RTL4: variants seen among roughly 807,000 people sequenced by gnomAD.
RTL4 encodes the protein retrotransposon Gag like 4, also known as retrotransposon Gag-like protein 4.
RTL4 carries 4 observed loss-of-function variants against 5.3 expected under a neutral mutation model. The ratio of observed to expected loss-of-function variants is 0.75; its 90% CI spans 0.37 to 1.72. The LOEUF is 1.72. Ranked by LOEUF, RTL4 falls within the 40% of genes most tolerant of loss-of-function variation. The pLI, the probability that RTL4 is intolerant of heterozygous loss-of-function variation, is 0.04. For synonymous variants in RTL4, 98 were observed against 87.3 expected (o/e 1.12, Z -0.68); for missense variants, 260 against 227.1 (o/e 1.14, Z -0.93).
At chrX:112,415,094 A>G in the RTL4 span, among the ~76,000 whole-genome samples, 1 of 111,669 alleles carries the variant, frequency 9.0e-6, no homozygotes, top group African/African-American at 3.2e-5. Flanking sequence ...TAAAATGTAC[A>G]TAAAAAGAAA....
chrX:112,351,308 A>AGGTGT, the RTL4 span, among the ~76,000 whole-genome samples: 2 of 101,473 alleles, frequency 2.0e-5, no homozygotes, highest in Non-Finnish European at 3.8e-5. Context: ...ATTTTGGAAT[A>AGGTGT]GGTGTGGTGT....
chrX:112,376,761 A>C, the RTL4 span, among the ~76,000 whole-genome samples: 1 of 112,183 alleles, frequency 8.9e-6, no homozygotes, highest in African/African-American at 3.2e-5. Context: ...TGGCCACTGA[A>C]CTGGTGAATA....
At chrX:112,366,384 C>T in the RTL4 span, among the ~76,000 whole-genome samples, 194 of 111,545 alleles carry the variant, frequency 1.7e-3, no homozygotes, top group African/African-American at 5.9e-3. Context: ...AGATCATACA[C>T]TCCAATACAT....
the RTL4 span, among the ~76,000 whole-genome samples, chrX:112,135,909 T>A: frequency 9.3e-6 from 1 of 107,908 alleles, no homozygotes; most frequent in African/African-American, 3.3e-5. Flanking sequence ...TATATATATA[T>A]ATGTATACCT....
At chrX:112,221,171 C>A in the RTL4 span, among the ~76,000 whole-genome samples, 3 of 111,577 alleles carry the variant, frequency 2.7e-5, no homozygotes, top group African/African-American at 6.5e-5. Flanking sequence ...AGCACACACA[C>A]CTTACATGGT....
chrX:112,441,140 C>T, the RTL4 span, among the ~76,000 whole-genome samples: 1 of 111,156 alleles, frequency 9.0e-6, no homozygotes, highest in African/African-American at 3.3e-5. Context: ...TCCCATGAAG[C>T]GTTAATCCAA....
chrX:112,174,324 A>G, the RTL4 span, among the ~76,000 whole-genome samples: 1 of 96,505 alleles, frequency 1.0e-5, no homozygotes. Flanking sequence ...GAGTGAGAAC[A>G]TGCAGTGTTT....
chrX:112,088,315 T>A, the RTL4 span, among the ~76,000 whole-genome samples: 1 of 110,443 alleles, frequency 9.1e-6, no homozygotes, highest in Admixed American at 9.7e-5. Flanking sequence ...ATGTCTACCC[T>A]TTTGGGTCTG....
chrX:112,090,143 T>C, the RTL4 span, among the ~76,000 whole-genome samples: 1 of 110,574 alleles, frequency 9.0e-6, no homozygotes, highest in Non-Finnish European at 1.9e-5. Flanking sequence ...TCTTTAGGAT[T>C]TCTTATATAT....
At chrX:112,084,893 A>G in the RTL4 span, among the ~76,000 whole-genome samples, 2 of 112,132 alleles carry the variant, frequency 1.8e-5, no homozygotes, top group Non-Finnish European at 3.8e-5. Context: ...TAAGGTTAAA[A>G]TTTCTTTCTC....
chrX:112,240,940 T>C, the RTL4 span, among the ~76,000 whole-genome samples: 1 of 111,047 alleles, frequency 9.0e-6, no homozygotes, highest in African/African-American at 3.3e-5. Flanking sequence ...GTCCTTGTGA[T>C]AGTTTGCTGA....
the RTL4 span, among the ~76,000 whole-genome samples, chrX:112,122,055 A>T: frequency 5.7e-4 from 64 of 111,749 alleles, no homozygotes; most frequent in Middle Eastern, 4.6e-3. Flanking sequence ...TGAGACAGGG[A>T]TGCCACTAAC....
the RTL4 span, among the ~76,000 whole-genome samples, chrX:112,156,626 C>T: frequency 8.9e-6 from 1 of 111,984 alleles, no homozygotes; most frequent in East Asian, 2.8e-4. Flanking sequence ...TAAAGTTAGG[C>T]TTGCTGCTCA....
At chrX:112,289,913 G>A in the RTL4 span, among the ~76,000 whole-genome samples, 235 of 111,299 alleles carry the variant, frequency 2.1e-3, no homozygotes, top group Non-Finnish European at 3.6e-3. Context: ...GGCACAGAGC[G>A]ATTATGTAGC....
At chrX:112,240,096 A>G in the RTL4 span, among the ~76,000 whole-genome samples, 2 of 112,309 alleles carry the variant, frequency 1.8e-5, no homozygotes, top group African/African-American at 6.5e-5. Context: ...AAATATTTCA[A>G]CAAATAATTT....
chrX:112,132,512 C>T, the RTL4 span, among the ~76,000 whole-genome samples: 1 of 82,787 alleles, frequency 1.2e-5, no homozygotes, highest in Non-Finnish European at 2.1e-5. Context: ...GAAAAATACA[C>T]ATACATACAT....
the RTL4 span, among the ~76,000 whole-genome samples, chrX:112,351,206 G>A: frequency 9.1e-6 from 1 of 110,309 alleles, no homozygotes. Context: ...CTGAGTTCTA[G>A]TTTGATTGCA....
chrX:112,411,219 C>T, the RTL4 span, among the ~76,000 whole-genome samples: 9 of 111,458 alleles, frequency 8.1e-5, no homozygotes, highest in Admixed American at 2.9e-4. Context: ...AATAAAAAGT[C>T]TCCTAGCAAA....
the RTL4 span, among the ~76,000 whole-genome samples, chrX:112,237,126 A>G: frequency 2.9e-3 from 328 of 112,107 alleles, no homozygotes; most frequent in African/African-American, 9.7e-3. Flanking sequence ...ATGGCCCCTA[A>G]TAAAGAATTC....
Sources: gnomAD v4.1 joint callset for allele counts (sites outside exome capture counted in the v4.1 genomes callset) on GRCh38, gnomAD v4.1.1 for gene constraint, MANE v1.5 for transcripts, NCBI Gene and HGNC (gene_info 2026-07-23, HGNC 2026-07-21) for gene names.